Variants in RFX3 observed in about 807,000 individuals in gnomAD.
The protein encoded by RFX3 is transcription factor RFX3.
In RFX3, 14 loss-of-function variants were observed where a neutral mutation model predicts 98.6. That is an observed-to-expected ratio of 0.14 (90% CI 0.09 to 0.22). RFX3 has a LOEUF of 0.22. Ranked by LOEUF, RFX3 falls within the 10% of genes least tolerant of loss-of-function variation. RFX3 has a pLI of 1.00. For synonymous variants in RFX3, 383 were observed against 328.4 expected, an observed-to-expected ratio of 1.17 and a Z score of -1.80; for missense variants, 639 against 926.9, an observed-to-expected ratio of 0.69 and a Z score of 4.03.
intron 1 of RFX3, among the ~76,000 whole-genome samples, chr9:3,413,414 G>C (rs185558438): frequency 4.8e-4 from 73 of 152,110 alleles, no homozygotes; most frequent in African/African-American, 1.7e-3. Flanking sequence ...AATATTTTAG[G>C]AACATCATAC....
In RFX3 at chr9:3,283,036, T is replaced by C. The variant is rs116934721; in HGVS notation, c.851+5095A>G. On this transcript the variant is annotated intron_variant, in intron 7 of 16. Transcript: ENST00000617270. ...AACTACATAAATTACTATAGTTTGG[T>C]AGTTATTGAGTTGTGATTATTTATG... 9.5e-4 allele frequency among the ~76,000 whole-genome samples: 145 copies of C among 151,952 alleles called. 1 individual carries two copies. In the East Asian group the frequency reaches 0.027, roughly 28 times the overall value.
In RFX3 at chr9:3,253,931, G is replaced by C. The variant is rs12001546; in HGVS notation, c.1814+3060C>G. On this transcript the variant is annotated intron_variant, in intron 14 of 16. Coordinates refer to ENST00000617270, the MANE Select transcript of RFX3 (RefSeq NM_001282116.2). ...TTATGTCTCAGTAAAAAACAGTTCA[G>C]ATATTAAAGGCTTAAGTTTCTCAGC... 3.1e-3 allele frequency among the ~76,000 whole-genome samples: 468 copies of C among 152,178 alleles called. 4 individuals carry two copies. Among genetic ancestry groups the C allele is most frequent in the African/African-American group, 0.01 (429 of 41,518 alleles).
intron 2 of RFX3, among the ~76,000 whole-genome samples, chr9:3,387,579 G>A (rs918152023): frequency 3.3e-5 from 5 of 151,286 alleles, no homozygotes; most frequent in Non-Finnish European, 5.9e-5. Flanking sequence ...CCAATATTTT[G>A]CAGTTCTGGT....
chr9:3,324,833 G>C (rs771591014), intron 4 of RFX3, among the ~76,000 whole-genome samples: 1 of 151,776 alleles, frequency 6.6e-6, no homozygotes, highest in Admixed American at 6.6e-5. Flanking sequence ...GCATGGTGGC[G>C]GACACCTGTA....
intron 3 of RFX3, among the ~76,000 whole-genome samples, chr9:3,331,329 T>C (rs760039487): frequency 2.0e-5 from 3 of 152,196 alleles, no homozygotes; most frequent in Non-Finnish European, 4.4e-5. Context: ...TCTGTTCTGA[T>C]TAAGCTTATT....
At chr9:3,447,874 T>G (rs889949904) in intron 1 of RFX3, among the ~76,000 whole-genome samples, 4 of 152,310 alleles carry the variant, frequency 2.6e-5, no homozygotes, top group African/African-American at 9.6e-5. Context: ...TTAATTATGC[T>G]AAAAGTCCCT....
chr9:3,442,191 A>C (rs1845669253), intron 1 of RFX3, among the ~76,000 whole-genome samples: 2 of 152,022 alleles, frequency 1.3e-5, no homozygotes, highest in African/African-American at 4.8e-5. Context: ...CAAGAGCAAG[A>C]CTCAATCTCA....
chr9:3,245,273 G>A (rs1215103469), intron 15 of RFX3, among the ~76,000 whole-genome samples: 1 of 152,202 alleles, frequency 6.6e-6, no homozygotes, highest in Non-Finnish European at 1.5e-5. Flanking sequence ...ATGGGGAGAT[G>A]GGCAGAGGCT....
chr9:3,279,522 T>C (rs1374954985), intron 7 of RFX3, among the ~76,000 whole-genome samples: 1 of 151,868 alleles, frequency 6.6e-6, no homozygotes, highest in Non-Finnish European at 1.5e-5. Context: ...AGTTATGCTC[T>C]GCCACATTTC....
At chr9:3,503,042 T>C (rs1194404119) in intron 1 of RFX3, among the ~76,000 whole-genome samples, 3 of 152,224 alleles carry the variant, frequency 2.0e-5, no homozygotes, top group African/African-American at 7.2e-5. Context: ...AAGTCTCTTA[T>C]ACCTCACATA....
chr9:3,518,129 G>A (rs566807779), intron 1 of RFX3, among the ~76,000 whole-genome samples: 2 of 152,284 alleles, frequency 1.3e-5, no homozygotes, highest in African/African-American at 4.8e-5. Flanking sequence ...ATATAGCATA[G>A]GCGTGTAGCA....
chr9:3,385,447 A>T (rs1839605372), intron 2 of RFX3, among the ~76,000 whole-genome samples: 1 of 152,152 alleles, frequency 6.6e-6, no homozygotes, highest in Admixed American at 6.6e-5. Flanking sequence ...GCAGTGGCTC[A>T]CACCTATAAT....
intron 3 of RFX3, among the ~76,000 whole-genome samples, chr9:3,334,494 A>G (rs1832944455): frequency 6.6e-6 from 1 of 152,346 alleles, no homozygotes; most frequent in African/African-American, 2.4e-5. Context: ...AAAATGCATC[A>G]CAGATATATG....
At chr9:3,248,511 A>T (rs949324253) in intron 14 of RFX3, among the ~76,000 whole-genome samples, 1 of 152,350 alleles carries the variant, frequency 6.6e-6, no homozygotes, top group Non-Finnish European at 1.5e-5. Context: ...TGAAAGATTG[A>T]CCACTCATTA....
At chr9:3,319,251 C>T (rs901254011) in intron 4 of RFX3, among the ~76,000 whole-genome samples, 1 of 151,534 alleles carries the variant, frequency 6.6e-6, no homozygotes, top group East Asian at 1.9e-4. Flanking sequence ...CTTGCCCACA[C>T]TGACTGAATC....
intron 1 of RFX3, among the ~76,000 whole-genome samples, chr9:3,457,385 A>G (rs1485740777): frequency 1.3e-5 from 2 of 152,126 alleles, no homozygotes; most frequent in Non-Finnish European, 2.9e-5. Context: ...AGAGCAAAAA[A>G]GTGCTTTCTC....
rs1364657059 is a variant in RFX3 at position 3,271,183 on chromosome 9, C to A, written c.1087-65G>T. 4 of 1,378,380 alleles carry A rather than the reference C, an allele frequency of 2.9e-6. No individual in the cohort carries two copies. The East Asian group carries it at 9.3e-5, about 32-fold the overall frequency. The allele number at this position is 1,378,380 out of a possible 1,614,324, so 85.4% of individuals were successfully genotyped here. A position where few individuals can be genotyped will look rare whatever the true frequency, so the allele number is the denominator to read the frequency against. On this transcript the variant is annotated intron_variant, in intron 9 of 16. Transcript: ENST00000617270. ...ATTTACGGGACTGTGTGAGGACAGT[C>A]TAACATGACAAGATTTTATATGGTC...
chr9:3,301,239 G>C (rs1828619830), intron 5 of RFX3, among the ~76,000 whole-genome samples: 1 of 151,700 alleles, frequency 6.6e-6, no homozygotes, highest in South Asian at 2.1e-4. Context: ...TATCAAACTG[G>C]AACATTTTAA....
At chr9:3,482,139 T>C (rs148310160) in intron 1 of RFX3, among the ~76,000 whole-genome samples, 2 of 151,914 alleles carry the variant, frequency 1.3e-5, no homozygotes, top group Non-Finnish European at 2.9e-5. Context: ...TAGAGAATTG[T>C]TTAAATACAT....
Sources: gnomAD v4.1 joint callset for allele counts (sites outside exome capture counted in the v4.1 genomes callset) on GRCh38, gnomAD v4.1.1 for gene constraint, MANE v1.5 for transcripts, NCBI Gene and HGNC (gene_info 2026-07-23, HGNC 2026-07-21) for gene names.